Variants in PDE4B observed in about 807,000 individuals in gnomAD.
The protein encoded by PDE4B is phosphodiesterase 4B.
A neutral mutation model predicts 82.2 loss-of-function variants in PDE4B; 20 were observed. The observed-to-expected ratio is 0.24, with a 90% CI of 0.17 to 0.35. The LOEUF (loss-of-function observed/expected upper bound fraction) is 0.35. Among genes scored for constraint, PDE4B ranks in the 10% least tolerant of loss-of-function variants. The pLI is 1.00. For missense variants in PDE4B, 655 were observed against 907.2 expected, an observed-to-expected ratio of 0.72 and a Z score of 3.57; for synonymous variants, 320 against 318.9, an observed-to-expected ratio of 1.00 and a Z score of -0.04.
At chr1:65,864,209 C>T (rs1646485406) in intron 1 of PDE4B, among the ~76,000 whole-genome samples, 1 of 151,874 alleles carries the variant, frequency 6.6e-6, no homozygotes, top group Non-Finnish European at 1.5e-5. Flanking sequence ...TTCAGCTCCA[C>T]CGAGTCATTT....
At position 66,097,097 on chromosome 1, in the gene PDE4B, T is replaced by C. The variant is rs147024650; in HGVS notation, c.282-150363T>C. ...AGTTTTGTATGGACATAGTTTTTCA[T>C]TTCTACTGGATAAATATATCAGAAG... On this transcript the variant is annotated intron_variant, in intron 3 of 16. Coordinates refer to ENST00000341517, the MANE Select transcript of PDE4B (RefSeq NM_002600.4). Among the ~76,000 whole-genome samples the C allele has an allele frequency of 1.2e-3, 186 of 152,168 alleles. No individual in the cohort carries two copies. In the Middle Eastern group the frequency reaches 0.017, roughly 14 times the overall value.
chr1:66,347,867 A>G (rs1661521756), intron 8 of PDE4B, among the ~76,000 whole-genome samples: 1 of 152,350 alleles, frequency 6.6e-6, no homozygotes, highest in Admixed American at 6.5e-5. Context: ...AAGAGGTACT[A>G]TAGACTGAAA....
chr1:66,162,186 G>A (rs1646627405), intron 3 of PDE4B, among the ~76,000 whole-genome samples: 1 of 151,826 alleles, frequency 6.6e-6, no homozygotes, highest in South Asian at 2.1e-4. Context: ...TCAGTGCTAA[G>A]GTGCCCTGAG....
intron 3 of PDE4B, among the ~76,000 whole-genome samples, chr1:66,079,437 C>A (rs533520450): frequency 4.6e-5 from 7 of 152,170 alleles, no homozygotes; most frequent in Middle Eastern, 6.8e-3. Flanking sequence ...GTGAAATATG[C>A]CACATGAACC....
intron 3 of PDE4B, among the ~76,000 whole-genome samples, chr1:66,071,362 T>C (rs926317121): frequency 1.3e-5 from 2 of 152,136 alleles, no homozygotes; most frequent in Non-Finnish European, 1.5e-5. Flanking sequence ...GTCCCATCTA[T>C]AGATAAATGC....
chr1:66,330,214 A>G (rs1381538110), intron 7 of PDE4B, among the ~76,000 whole-genome samples: 2 of 152,216 alleles, frequency 1.3e-5, no homozygotes, highest in East Asian at 3.8e-4. Context: ...AAACATTTTG[A>G]TGGCTGATCT....
At chr1:65,876,415 A>C (rs946281069) in intron 1 of PDE4B, among the ~76,000 whole-genome samples, 1 of 152,130 alleles carries the variant, frequency 6.6e-6, no homozygotes, top group African/African-American at 2.4e-5. Flanking sequence ...TAGTTAAAAC[A>C]AATATATATA....
At chr1:65,875,827 G>T (rs577556559) in intron 1 of PDE4B, among the ~76,000 whole-genome samples, 6 of 150,488 alleles carry the variant, frequency 4.0e-5, no homozygotes, top group African/African-American at 1.5e-4. Context: ...GGGAGGGATA[G>T]CATTGGGAGG....
intron 8 of PDE4B, among the ~76,000 whole-genome samples, chr1:66,351,117 G>A (rs1661784809): frequency 1.3e-5 from 2 of 152,172 alleles, no homozygotes; most frequent in South Asian, 4.1e-4. Flanking sequence ...TTGGGCATAA[G>A]CTTAAGAAGG....
chr1:65,858,328 G>T (rs2100243229), intron 1 of PDE4B, among the ~76,000 whole-genome samples: 1 of 152,210 alleles, frequency 6.6e-6, no homozygotes, highest in African/African-American at 2.4e-5. Flanking sequence ...ACCCACAAAA[G>T]CCTATTTTAT....
intron 3 of PDE4B, among the ~76,000 whole-genome samples, chr1:66,004,536 C>A (rs141174801): frequency 4.5e-4 from 69 of 152,170 alleles, no homozygotes; most frequent in African/African-American, 1.6e-3. Context: ...ATAGAATAAT[C>A]TTTTTTCTTT....
chr1:65,914,993 T>A (rs1433819438), intron 2 of PDE4B, among the ~76,000 whole-genome samples: 1 of 152,234 alleles, frequency 6.6e-6, no homozygotes, highest in African/African-American at 2.4e-5. Flanking sequence ...ATACAAAGCA[T>A]TTCATTAATA....
In PDE4B at chr1:66,331,519, TA is replaced by T. The variant is rs140500673; in HGVS notation, c.635-984del. Among the ~76,000 whole-genome samples, 1,387 of 152,352 alleles carry T rather than the reference TA, an allele frequency of 9.1e-3. 13 individuals carry two copies. The highest frequency in any genetic ancestry group is 0.031 in the African/African-American group (1,305 of 41,566). ...TATAAAATGACATGTTAAGGATATG[TA>T]AAAAGAATTTTAATTATCTAGCAAA... On this transcript the variant is annotated intron_variant, in intron 7 of 16. Coordinates refer to ENST00000341517, the MANE Select transcript of PDE4B (RefSeq NM_002600.4).
intron 1 of PDE4B, among the ~76,000 whole-genome samples, chr1:65,862,800 T>C (rs887248131): frequency 6.6e-5 from 10 of 152,222 alleles, no homozygotes; most frequent in Non-Finnish European, 1.0e-4. Context: ...TGTCCAGGAA[T>C]TAATACATTT....
chr1:66,269,622 A>G (rs1655316533), intron 7 of PDE4B, among the ~76,000 whole-genome samples: 1 of 152,252 alleles, frequency 6.6e-6, no homozygotes, highest in South Asian at 2.1e-4. Flanking sequence ...TCAGGTCCCA[A>G]AACTATTTGC....
In PDE4B at chr1:66,301,713, C is replaced by CCTAAA. The variant is rs536236881; in HGVS notation, c.635-30791_635-30787dup. Among the ~76,000 whole-genome samples, 12 of 152,160 alleles carry CCTAAA rather than the reference C, an allele frequency of 7.9e-5. No individual in the cohort carries two copies. The South Asian group carries it at 2.5e-3, about 32-fold the overall frequency. ...ATACTAAAGTTCATTTTAAATACTA[C>CCTAAA]CTAAACTAGGTCATGAATTCATCCT... On this transcript the variant is annotated intron_variant, in intron 7 of 16. Transcript: ENST00000341517.
intron 1 of PDE4B, among the ~76,000 whole-genome samples, chr1:65,897,402 T>G (rs1396810356): frequency 3.9e-5 from 6 of 152,138 alleles, no homozygotes; most frequent in Admixed American, 6.6e-5. Context: ...CTTTTAGATT[T>G]AGGGGTACAT....
chr1:66,158,122 C>T (rs74623329), intron 3 of PDE4B, among the ~76,000 whole-genome samples: 2,125 of 152,218 alleles, frequency 0.014, 41 homozygotes, highest in African/African-American at 0.049. Flanking sequence ...CCAACAGTGG[C>T]AGGAGAATTG....
intron 3 of PDE4B, among the ~76,000 whole-genome samples, chr1:66,083,567 T>C (rs1158267498): frequency 6.6e-6 from 1 of 152,152 alleles, no homozygotes; most frequent in Non-Finnish European, 1.5e-5. Context: ...TCTGAGAGGG[T>C]CAGGAATCCA....
Sources: gnomAD v4.1 joint callset for allele counts (sites outside exome capture counted in the v4.1 genomes callset) on GRCh38, gnomAD v4.1.1 for gene constraint, MANE v1.5 for transcripts, NCBI Gene and HGNC (gene_info 2026-07-23, HGNC 2026-07-21) for gene names.